ASTN2: variants seen among roughly 807,000 people sequenced by gnomAD.
ASTN2 encodes the protein astrotactin 2.
ASTN2 carries 54 observed loss-of-function variants against 139.8 expected under a neutral mutation model. That is an observed-to-expected ratio of 0.39 (90% CI 0.31 to 0.48). The LOEUF is 0.48. Ranked by LOEUF, ASTN2 falls within the 20% of genes least tolerant of loss-of-function variation. The pLI is 0.95. For synonymous variants in ASTN2, 756 were observed against 719.5 expected, an observed-to-expected ratio of 1.05 and a Z score of -0.81; for missense variants, 1,565 against 1,725.1, an observed-to-expected ratio of 0.91 and a Z score of 1.64.
intron 16 of ASTN2, among the ~76,000 whole-genome samples, chr9:116,659,800 T>A (rs1388771049): frequency 3.9e-5 from 6 of 152,146 alleles, no homozygotes; most frequent in Non-Finnish European, 7.3e-5. Flanking sequence ...CACCAAATAA[T>A]CCTCCAATTT....
At chr9:116,964,777 T>C (rs1005184442) in intron 10 of ASTN2, among the ~76,000 whole-genome samples, 6 of 152,212 alleles carry the variant, frequency 3.9e-5, no homozygotes, top group African/African-American at 1.4e-4. Flanking sequence ...GCCTTTACTC[T>C]GCTACAAGCC....
At chr9:117,325,861 C>T (rs1417863662) in intron 1 of ASTN2, among the ~76,000 whole-genome samples, 1 of 152,080 alleles carries the variant, frequency 6.6e-6, no homozygotes, top group African/African-American at 2.4e-5. Flanking sequence ...CCAGGAGTCC[C>T]AAACTCAACG....
At chr9:117,357,957 C>A (rs1026052759) in intron 1 of ASTN2, among the ~76,000 whole-genome samples, 5 of 152,104 alleles carry the variant, frequency 3.3e-5, no homozygotes, top group Non-Finnish European at 7.4e-5. Flanking sequence ...CAAGTCACTT[C>A]TCTTTTTTGG....
intron 1 of ASTN2, among the ~76,000 whole-genome samples, chr9:117,383,009 G>C (rs1830310221): frequency 6.6e-6 from 1 of 152,160 alleles, no homozygotes; most frequent in Non-Finnish European, 1.5e-5. Flanking sequence ...GGGGACCAGA[G>C]AGTCTCTGTC....
chr9:116,777,131 T>A lies in ASTN2; in HGVS notation c.2396+28501A>T, dbSNP rs4837849. Among the ~76,000 whole-genome samples, 4 of 152,022 alleles carry A rather than the reference T, an allele frequency of 2.6e-5. No individual in the cohort carries two copies. The South Asian group carries it at 8.3e-4, about 32-fold the overall frequency. On this transcript the variant is annotated intron_variant, in intron 13 of 22. Coordinates refer to ENST00000313400, the MANE Select transcript of ASTN2 (RefSeq NM_001365068.1). ...AAATCTGGTTGGACAATGGAGCCAA[T>A]AGGTGCTGATGCATGGTACTGCTCC...
rs114536559 is a variant in ASTN2, at chr9:117,248,214, G to A, written c.631-33472C>T. ...TCTACATCAAGTGAAGTGTTATGGTGGAAGGAAGCTTCGAATGGTGAGTAC... is the reference window on the plus strand; with the variant it reads ...TCTACATCAAGTGAAGTGTTATGGTAGAAGGAAGCTTCGAATGGTGAGTAC... On this transcript the variant is annotated intron_variant, in intron 2 of 22. Coordinates refer to ENST00000313400, the MANE Select transcript of ASTN2 (RefSeq NM_001365068.1). Among the ~76,000 whole-genome samples the A allele has an allele frequency of 9.6e-3, 1,466 of 152,302 alleles. 27 individuals carry two copies. Among genetic ancestry groups the A allele is most frequent in the African/African-American group, 0.034 (1,421 of 41,556 alleles).
intron 10 of ASTN2, among the ~76,000 whole-genome samples, chr9:116,913,787 T>G (rs1834375413): frequency 6.6e-6 from 1 of 152,020 alleles, no homozygotes; most frequent in African/African-American, 2.4e-5. Context: ...TAATCTATAC[T>G]GCTCCTAACT....
chr9:116,929,798 A>T (rs1488424617), intron 10 of ASTN2, among the ~76,000 whole-genome samples: 1 of 152,188 alleles, frequency 6.6e-6, no homozygotes, highest in Non-Finnish European at 1.5e-5. Context: ...TCTTAATTAG[A>T]CTATTTAAAA....
At chr9:117,301,400 C>T (rs560964930) in intron 1 of ASTN2, among the ~76,000 whole-genome samples, 10 of 152,292 alleles carry the variant, frequency 6.6e-5, no homozygotes, top group East Asian at 3.9e-4. Context: ...CACCTACTTA[C>T]GTGCCAGGCT....
chr9:117,310,588 C>T (rs1054430382), intron 1 of ASTN2, among the ~76,000 whole-genome samples: 2 of 152,030 alleles, frequency 1.3e-5, no homozygotes, highest in Non-Finnish European at 2.9e-5. Context: ...AGGATAAATG[C>T]CCTAGTGTGG....
intron 1 of ASTN2, among the ~76,000 whole-genome samples, chr9:117,385,337 C>A (rs1349137767): frequency 6.6e-6 from 1 of 152,088 alleles, no homozygotes. Flanking sequence ...ATAACTCAAA[C>A]TCAGGAAACC....
At position 117,263,887 on chromosome 9, in the gene ASTN2, C is replaced by T. The variant is rs149483580; in HGVS notation, c.630+27439G>A. On this transcript the variant is annotated intron_variant, in intron 2 of 22. Transcript: ENST00000313400. ...TTTATTGATGAAATCTAAATTGAGG[C>T]TAGGCACAGTGGCTCATGCCTGGAA... 5.4e-3 allele frequency among the ~76,000 whole-genome samples: 823 copies of T among 152,178 alleles called. 4 individuals carry two copies. Among genetic ancestry groups the T allele is most frequent in the Non-Finnish European group, 9.6e-3 (650 of 68,012 alleles).
At chr9:116,604,028 C>A (rs1006731573) in intron 19 of ASTN2, among the ~76,000 whole-genome samples, 2 of 152,148 alleles carry the variant, frequency 1.3e-5, no homozygotes, top group African/African-American at 4.8e-5. Context: ...CTCTGCCATG[C>A]CCCTACAGCA....
At position 116,439,194 on chromosome 9, in the gene ASTN2, A is replaced by ATTTTT. The variant is rs1016270368; in HGVS notation, c.3782+1410_3782+1414dup. 2.4e-3 allele frequency among the ~76,000 whole-genome samples: 138 copies of ATTTTT among 56,724 alleles called. 9 individuals are homozygous for ATTTTT. The highest frequency in any genetic ancestry group is 2.1e-3 in the Non-Finnish European group (70 of 33,612). The allele number at this position is 56,724 out of a possible 152,430, so 37.2% of individuals were successfully genotyped here. ...GATGTTGTGTTTTCTATTCAAATAC[A>ATTTTT]TTTTTTTTTTTTTTTTTTTTTTTTG... On this transcript the variant is annotated intron_variant, in intron 22 of 22. Transcript: ENST00000313400.
chr9:117,401,584 C>T (rs1433077625), intron 1 of ASTN2, among the ~76,000 whole-genome samples: 3 of 152,204 alleles, frequency 2.0e-5, no homozygotes, highest in African/African-American at 7.2e-5. Flanking sequence ...AGACATCACT[C>T]TGGCTACTGT....
intron 6 of ASTN2, among the ~76,000 whole-genome samples, chr9:117,017,885 T>C (rs1252879851): frequency 2.6e-5 from 4 of 151,972 alleles, no homozygotes; most frequent in Non-Finnish European, 5.9e-5. Flanking sequence ...TAATGTGTCC[T>C]ATATAGATGG....
intron 11 of ASTN2, among the ~76,000 whole-genome samples, chr9:116,847,647 A>T (rs763195820): frequency 2.0e-5 from 3 of 152,194 alleles, no homozygotes; most frequent in Non-Finnish European, 4.4e-5. Flanking sequence ...GCACAGCCTG[A>T]TGGTATAGGA....
At chr9:116,896,875 T>C (rs1833892266) in intron 10 of ASTN2, among the ~76,000 whole-genome samples, 1 of 152,144 alleles carries the variant, frequency 6.6e-6, no homozygotes, top group Non-Finnish European at 1.5e-5. Flanking sequence ...TTGACACATG[T>C]GGATTACAAT....
At chr9:116,876,677 C>T (rs1364103934) in intron 10 of ASTN2, among the ~76,000 whole-genome samples, 1 of 152,170 alleles carries the variant, frequency 6.6e-6, no homozygotes, top group Non-Finnish European at 1.5e-5. Flanking sequence ...AACACTGAAG[C>T]AATACCCTGC....
Sources: allele counts gnomAD v4.1 joint callset (sites outside exome capture counted in the v4.1 genomes callset), GRCh38; gene constraint gnomAD v4.1.1; transcripts MANE v1.5; gene names NCBI Gene and HGNC (gene_info 2026-07-23, HGNC 2026-07-21).